ADGRA1: variants seen among roughly 807,000 people sequenced by gnomAD.
The protein encoded by ADGRA1 is adhesion G protein-coupled receptor A1, also known as G-protein coupled receptor 123.
Under a neutral mutation model 21.3 loss-of-function variants are expected in ADGRA1, and 12 were observed. That is an observed-to-expected ratio of 0.56 (90% CI 0.36 to 0.91). The LOEUF is 0.91. Ranked by LOEUF, ADGRA1 falls within the 40% of genes least tolerant of loss-of-function variation. ADGRA1 has a pLI of 0.01. For synonymous variants in ADGRA1, 385 were observed against 368.8 expected (o/e 1.04, Z -0.50); for missense variants, 790 against 805.6 (o/e 0.98, Z 0.23).
Position 133,128,641 on chromosome 10 carries a change from C to G in ADGRA1, c.813C>G (p.Ala271=). Residue 271 remains alanine (A), a synonymous_variant, in exon 7 of 7, where the codon GCC becomes GCG. Coordinates refer to ENST00000392607, the MANE Select transcript of ADGRA1 (RefSeq NM_001083909.3). ...TGTTCCTGTTCACGGCCACGTGGGC[C>G]TTCGGGGCGCTGGCGGTGTCACAGG... ...FTLFLFTATW[A]FGALAVSQGH... is the part of the protein sequence containing the mutation. 6.2e-7 allele frequency: 1 copy of G among 1,607,970 alleles called. No homozygotes were observed. The highest frequency in any genetic ancestry group is 1.1e-5 in the South Asian group (1 of 90,506).
At chr10:133,119,455 G>A (rs966324934) in intron 5 of ADGRA1, among the ~76,000 whole-genome samples, 4 of 152,220 alleles carry the variant, frequency 2.6e-5, no homozygotes, top group Admixed American at 2.6e-4. Flanking sequence ...TCACAAAAGA[G>A]TTCTCTGTAG....
At chr10:133,114,067 G>T (rs1456898311) in intron 5 of ADGRA1, among the ~76,000 whole-genome samples, 2 of 152,224 alleles carry the variant, frequency 1.3e-5, no homozygotes, top group Non-Finnish European at 2.9e-5. Context: ...CGGTCCTGTT[G>T]TCTACTGACA....
intron 5 of ADGRA1, among the ~76,000 whole-genome samples, chr10:133,103,990 G>A (rs1591173745): frequency 6.6e-6 from 1 of 152,200 alleles, no homozygotes; most frequent in Non-Finnish European, 1.5e-5. Flanking sequence ...GGTCCCAGGG[G>A]GTCTTGGAGG....
At chr10:133,112,350 A>AGTTATTTGGGGTCTGCGCGCCGTGTCG (rs1852050354) in intron 5 of ADGRA1, among the ~76,000 whole-genome samples, 1 of 130,898 alleles carries the variant, frequency 7.6e-6, no homozygotes, top group South Asian at 2.6e-4. Flanking sequence ...AGGCTGCGTC[A>AGTTATTTGGGGTCTGCGCGCCGTGTCG]GTTATTTGGG....
At chr10:133,110,025 C>G (rs73399122) in intron 5 of ADGRA1, among the ~76,000 whole-genome samples, 2,920 of 152,316 alleles carry the variant, frequency 0.019, 81 homozygotes, top group African/African-American at 0.065. Context: ...GGAAGATACA[C>G]TCAGGACTCA....
intron 4 of ADGRA1, among the ~76,000 whole-genome samples, chr10:133,101,358 C>T (rs1215615154): frequency 6.6e-6 from 1 of 152,218 alleles, no homozygotes; most frequent in Non-Finnish European, 1.5e-5. Flanking sequence ...GAGCCCCATT[C>T]GCATGCTAAG....
Position 133,129,160 on chromosome 10 carries a change from G to A in ADGRA1, c.1332G>A (p.Leu444=). 6.4e-7 allele frequency: 1 copy of A among 1,553,538 alleles called. No homozygotes were observed. The highest frequency in any genetic ancestry group is 2.4e-5 in the East Asian group (1 of 41,122). The change falls in exon 7 of 7, where the codon CTG becomes CTA. Residue 444 remains leucine (L), a synonymous_variant. Coordinates refer to ENST00000392607, the MANE Select transcript of ADGRA1 (RefSeq NM_001083909.3). ...ACGCCTACCACATCCCATCCAGCCT[G>A]GATGGCAGCCCCCGCAGCTCGCGCA... The part of the protein sequence containing the change: ...PEYAYHIPSS[L]DGSPRSSRTD...
chr10:133,097,218 G>A (rs2135869801), intron 3 of ADGRA1, 117 bp downstream of exon 3: 2 of 1,295,558 alleles, frequency 1.5e-6, no homozygotes, highest in Non-Finnish European at 2.2e-6. Context: ...AGTCCTTGAA[G>A]GTACAACTCA....
rs563985711 is a variant in ADGRA1 at position 133,131,061 on chromosome 10, A to G, written c.*1550A>G. 1.3e-5 allele frequency: 2 copies of G among 152,314 alleles called. No homozygotes were observed. Among genetic ancestry groups the G allele is most frequent in the African/African-American group, 4.8e-5 (2 of 41,572 alleles). The allele number at this position is 152,314 out of a possible 1,614,324, so 9.4% of individuals were successfully genotyped here. On this transcript the variant is annotated 3_prime_UTR_variant, in exon 7 of 7. Coordinates refer to ENST00000392607, the MANE Select transcript of ADGRA1 (RefSeq NM_001083909.3). ...CTGTGCTATCCGGTTGGGAGGTCTCACCAGGAGCAGAGCCTCCCTAACGTG... is the reference window on the plus strand; with the variant it reads ...CTGTGCTATCCGGTTGGGAGGTCTCGCCAGGAGCAGAGCCTCCCTAACGTG...
chr10:133,123,975 G>A (rs763419525), intron 5 of ADGRA1, among the ~76,000 whole-genome samples: 8 of 152,200 alleles, frequency 5.3e-5, no homozygotes, highest in South Asian at 2.1e-4. Flanking sequence ...GGAAGAGAAC[G>A]TGGATGTCTG....
chr10:133,098,360 T>G (rs1357234010), intron 3 of ADGRA1, among the ~76,000 whole-genome samples: 1 of 152,132 alleles, frequency 6.6e-6, no homozygotes, highest in African/African-American at 2.4e-5. Flanking sequence ...GGCCTCGGTG[T>G]CTTCATCCGC....
At chr10:133,095,729 A>G (rs1024899901) in intron 2 of ADGRA1, 4 of 1,598,298 alleles carry the variant, frequency 2.5e-6, no homozygotes, top group Non-Finnish European at 3.4e-6. Flanking sequence ...GTGTGGCCTC[A>G]GGAGGGAAGC....
chr10:133,092,852 G>GGAAGGAAGGAAA, intron 2 of ADGRA1: 1 of 1,221,456 alleles, frequency 8.2e-7, no homozygotes, highest in South Asian at 1.3e-5. Context: ...AAGGAAGGAA[G>GGAAGGAAGGAAA]GAAGGAAGGA....
intron 5 of ADGRA1, among the ~76,000 whole-genome samples, chr10:133,120,383 C>T (rs540871443): frequency 5.3e-5 from 8 of 152,152 alleles, no homozygotes; most frequent in East Asian, 1.9e-4. Context: ...CCAGCCTGGG[C>T]GACAGAGCGA....
chr10:133,109,207 C>A (rs557181327), intron 5 of ADGRA1, among the ~76,000 whole-genome samples: 1 of 152,230 alleles, frequency 6.6e-6, no homozygotes, highest in South Asian at 2.1e-4. Flanking sequence ...ACTCTCTACC[C>A]CCTTTCCCAG....
chr10:133,095,809 C>A, intron 2 of ADGRA1: 1 of 1,594,840 alleles, frequency 6.3e-7, no homozygotes, highest in Non-Finnish European at 8.5e-7. Context: ...ATGGCCCTTC[C>A]TGCACAGGAG....
At chr10:133,119,790 ATCTT>A (rs1852222433) in intron 5 of ADGRA1, among the ~76,000 whole-genome samples, 1 of 152,256 alleles carries the variant, frequency 6.6e-6, no homozygotes, top group South Asian at 2.1e-4. Context: ...TTTGAAAAGA[ATCTT>A]TCTGAGCAGT....
At position 133,128,582 on chromosome 10, in the gene ADGRA1, T is replaced by C. The variant is rs771139019; in HGVS notation, c.754T>C (p.Phe252Leu). The C allele has an allele frequency of 2.6e-5, 41 of 1,586,480 alleles. No individual in the cohort carries two copies. The South Asian group carries it at 4.5e-4, about 18-fold the overall frequency. Residue 252 changes from phenylalanine to leucine, a missense_variant, in exon 7 of 7, where the codon TTC (phenylalanine) becomes CTC (leucine). Phe to Leu is a conservative substitution (Grantham distance 22). Coordinates refer to ENST00000392607, the MANE Select transcript of ADGRA1 (RefSeq NM_001083909.3). ...GASVLQNEHS[F>L]QAQLRAAAFT... ...CTCCGTGCTGCAGAACGAGCACTCA[T>C]TCCAGGCACAGCTGCGCGCCGCCGC...
chr10:133,127,225 C>T lies in ADGRA1; in HGVS notation c.402-8C>T, dbSNP rs1311689866. 1 of 1,566,954 alleles carries T rather than the reference C, an allele frequency of 6.4e-7. No individual in the cohort carries two copies. Among genetic ancestry groups the T allele is most frequent in the Non-Finnish European group, 8.6e-7 (1 of 1,158,566 alleles). On this transcript the variant is annotated splice_polypyrimidine_tract_variant and splice_region_variant and intron_variant, in intron 5 of 6. Transcript: ENST00000392607. The stretch of plus-strand genomic sequence containing the variant: ...CTGCAAGGGGGTCAACGCCTTCCTC[C>T]CCGGCAGGTTTTACCTCGTCAGCGG...
Sources: gnomAD v4.1 joint callset for allele counts (sites outside exome capture counted in the v4.1 genomes callset) on GRCh38, gnomAD v4.1.1 for gene constraint, MANE v1.5 for transcripts, NCBI Gene and HGNC (gene_info 2026-07-23, HGNC 2026-07-21) for gene names.